SPECC1L: variants seen among roughly 807,000 people sequenced by gnomAD.
SPECC1L encodes the protein sperm antigen with calponin homology and coiled-coil domains 1 like, also known as cytospin-A.
SPECC1L carries 40 observed loss-of-function variants against 116.8 expected under a neutral mutation model. That is an observed-to-expected ratio of 0.34 (90% CI 0.27 to 0.45). The LOEUF is 0.45. Among genes scored for constraint, SPECC1L ranks in the 20% least tolerant of loss-of-function variants. The pLI is 1.00. For synonymous variants in SPECC1L, 504 were observed against 500.6 expected, an observed-to-expected ratio of 1.01 and a Z score of -0.09; for missense variants, 1,110 against 1,373.6, an observed-to-expected ratio of 0.81 and a Z score of 3.03.
Position 24,362,490 on chromosome 22 carries a change from T to C in SPECC1L, c.2744-771T>C, listed in dbSNP as rs554078238. On this transcript the variant is annotated intron_variant, in intron 11 of 16. Coordinates refer to ENST00000314328, the MANE Select transcript of SPECC1L (RefSeq NM_015330.6). ...TCTGATTGTGTCCTTCCCTGAAGGC[T>C]CAAAAATGTTTGATGCTTCCTTGTT... 5.9e-5 allele frequency among the ~76,000 whole-genome samples: 9 copies of C among 152,314 alleles called. No homozygotes were observed. In the South Asian group the frequency reaches 1.9e-3, roughly 32 times the overall value.
chr22:24,270,834 C>G lies in SPECC1L; in HGVS notation c.-291C>G, dbSNP rs2048705983. The G allele has an allele frequency of 6.6e-6, 1 of 152,352 alleles. No individual in the cohort carries two copies. Among genetic ancestry groups the G allele is most frequent in the African/African-American group, 2.4e-5 (1 of 41,424 alleles). 9.4% of individuals were successfully genotyped at this position (152,352 alleles called of 1,614,324 possible). On this transcript the variant is annotated 5_prime_UTR_variant, in exon 1 of 17. Coordinates refer to ENST00000314328, the MANE Select transcript of SPECC1L (RefSeq NM_015330.6). ...GAAGGGGCTGGCCAAGGGCGGGGCC[C>G]GCGAGGGAGGCCGGGCGGCCCGGCA...
rs1408212685 is a variant in SPECC1L at position 24,414,840 on chromosome 22, G to A, written c.*217G>A. ...CCTCCCACATGACCCGTCCATTCAG[G>A]TCATGTGGGCTCAGCACACATCCTG... is the stretch of plus-strand genomic sequence containing the variant. On this transcript the variant is annotated 3_prime_UTR_variant, in exon 17 of 17. Transcript: ENST00000314328. The A allele has an allele frequency of 3.4e-6, 2 of 583,716 alleles. No individual in the cohort carries two copies. Among genetic ancestry groups the A allele is most frequent in the East Asian group, 5.8e-5 (2 of 34,244 alleles). The allele number at this position is 583,716 out of a possible 1,614,324, so 36.2% of individuals were successfully genotyped here.
At chr22:24,281,426 C>T (rs1305613386) in intron 2 of SPECC1L, among the ~76,000 whole-genome samples, 1 of 152,222 alleles carries the variant, frequency 6.6e-6, no homozygotes, top group Non-Finnish European at 1.5e-5. Flanking sequence ...AAAATTGAAT[C>T]TCCTAACCCA....
chr22:24,276,152 G>A (rs941328273), intron 1 of SPECC1L, among the ~76,000 whole-genome samples: 1 of 152,142 alleles, frequency 6.6e-6, no homozygotes, highest in African/African-American at 2.4e-5. Flanking sequence ...GAAGAGGAGA[G>A]GACTGCTTGA....
At chr22:24,397,189 A>G (rs954529953) in intron 14 of SPECC1L, among the ~76,000 whole-genome samples, 1 of 152,194 alleles carries the variant, frequency 6.6e-6, no homozygotes, top group Non-Finnish European at 1.5e-5. Flanking sequence ...CTGCCAAAAC[A>G]GTATCTAGTA....
chr22:24,378,414 CATT>C (rs1265948043), intron 14 of SPECC1L, among the ~76,000 whole-genome samples: 1 of 152,238 alleles, frequency 6.6e-6, no homozygotes, highest in Non-Finnish European at 1.5e-5. Flanking sequence ...GCTATCTTAT[CATT>C]TGTATATTCA....
intron 14 of SPECC1L, among the ~76,000 whole-genome samples, chr22:24,384,753 TTTTGAAGAC>T (rs941744975): frequency 2.0e-4 from 31 of 152,260 alleles, no homozygotes; most frequent in African/African-American, 6.5e-4. Flanking sequence ...AAACACCAGA[TTTTGAAGAC>T]TTTGAAGACT....
rs1198467175 is a variant in SPECC1L at position 24,316,279 on chromosome 22, T to TTTAC, written c.307+2816_307+2817insCTTA. Among the ~76,000 whole-genome samples the TTTAC allele has an allele frequency of 2.2e-5, 3 of 133,566 alleles. No homozygotes were observed. The East Asian group carries it at 5.8e-4, about 26-fold the overall frequency. The allele number at this position is 133,566 out of a possible 152,430, so 87.6% of individuals were successfully genotyped here. On this transcript the variant is annotated intron_variant, in intron 4 of 16. Coordinates refer to ENST00000314328, the MANE Select transcript of SPECC1L (RefSeq NM_015330.6). ...CAAACATGAACAGATTTTCTTTTTATTTATTTATTTATTTATTTATTGATC... is the reference window on the plus strand; with the variant it reads ...CAAACATGAACAGATTTTCTTTTTATTTACTTATTTATTTATTTATTTATTGATC...
At chr22:24,299,220 G>A (rs771180341) in intron 2 of SPECC1L, among the ~76,000 whole-genome samples, 2 of 152,116 alleles carry the variant, frequency 1.3e-5, no homozygotes, top group African/African-American at 4.8e-5. Flanking sequence ...GAATATATAT[G>A]TAATAAGTTA....
At chr22:24,304,704 T>C (rs1212919603) in intron 3 of SPECC1L, among the ~76,000 whole-genome samples, 2 of 152,252 alleles carry the variant, frequency 1.3e-5, no homozygotes, top group Non-Finnish European at 1.5e-5. Flanking sequence ...CATGAATTAA[T>C]AAGCTTCAGT....
chr22:24,302,964 T>A (rs956732801), intron 3 of SPECC1L, among the ~76,000 whole-genome samples: 1 of 152,090 alleles, frequency 6.6e-6, no homozygotes, highest in African/African-American at 2.4e-5. Context: ...TACCATTTTT[T>A]AAAAAAGAGA....
intron 9 of SPECC1L, among the ~76,000 whole-genome samples, chr22:24,336,954 T>C (rs950898191): frequency 6.6e-6 from 1 of 152,194 alleles, no homozygotes; most frequent in African/African-American, 2.4e-5. Context: ...ATAGGCTTCA[T>C]GTTAGATGAT....
intron 3 of SPECC1L, among the ~76,000 whole-genome samples, chr22:24,307,622 T>TGTAC (rs943181467): frequency 1.3e-5 from 2 of 152,140 alleles, no homozygotes; most frequent in African/African-American, 2.4e-5. Context: ...TGTGTATGTA[T>TGTAC]GTACGTACGT....
At chr22:24,298,093 T>G (rs148678872) in intron 2 of SPECC1L, among the ~76,000 whole-genome samples, 2,205 of 152,288 alleles carry the variant, frequency 0.014, 59 homozygotes, top group African/African-American at 0.05. Context: ...GGCATGAAAC[T>G]GTCACATTTT....
intron 2 of SPECC1L, among the ~76,000 whole-genome samples, chr22:24,299,849 C>T (rs1284180117): frequency 6.6e-6 from 1 of 152,068 alleles, no homozygotes; most frequent in Non-Finnish European, 1.5e-5. Context: ...TGCATGTCTA[C>T]AAAAAGAAAC....
intron 14 of SPECC1L, among the ~76,000 whole-genome samples, chr22:24,372,242 A>C (rs1365003155): frequency 6.6e-6 from 1 of 152,206 alleles, no homozygotes; most frequent in African/African-American, 2.4e-5. Flanking sequence ...AAATTATTCC[A>C]ATCAATAGAA....
chr22:24,357,243 T>C (rs1002106242), intron 11 of SPECC1L, among the ~76,000 whole-genome samples: 1 of 152,124 alleles, frequency 6.6e-6, no homozygotes, highest in South Asian at 2.1e-4. Context: ...TCAAGGTTCA[T>C]CCATTTTGTG....
At chr22:24,393,902 ATT>A (rs980878754) in intron 14 of SPECC1L, among the ~76,000 whole-genome samples, 4 of 152,088 alleles carry the variant, frequency 2.6e-5, no homozygotes, top group African/African-American at 9.6e-5. Context: ...TATTGTTTGT[ATT>A]TGTTATAGTT....
In SPECC1L at chr22:24,330,138, AATC is replaced by A; in HGVS notation, c.2221-112_2221-110del. 5.0e-6 allele frequency: 5 copies of A among 999,282 alleles called. No homozygotes were observed. In the South Asian group the frequency reaches 5.9e-5, roughly 12 times the overall value. The allele number at this position is 999,282 out of a possible 1,614,324, so 61.9% of individuals were successfully genotyped here. On this transcript the variant is annotated intron_variant, in intron 7 of 16. Coordinates refer to ENST00000314328, the MANE Select transcript of SPECC1L (RefSeq NM_015330.6). ...GCAATTCTCTGGGATTAAAAAAATT[AATC>A]ATCATTTGGAAGCATTAGTGCATTA...
Sources: gnomAD v4.1 joint callset for allele counts (sites outside exome capture counted in the v4.1 genomes callset) on GRCh38, gnomAD v4.1.1 for gene constraint, MANE v1.5 for transcripts, NCBI Gene and HGNC (gene_info 2026-07-23, HGNC 2026-07-21) for gene names.